The following TRIOBP variants were observed in gnomAD, a reference collection of about 807,000 sequenced individuals.
TRIOBP encodes TRIO and F-actin-binding protein.
TRIOBP carries 169 observed loss-of-function variants against 238.8 expected under a neutral mutation model. That is an observed-to-expected ratio of 0.71 (90% CI 0.62 to 0.80). The LOEUF is 0.80. Among genes scored for constraint, TRIOBP ranks in the 30% least tolerant of loss-of-function variants. The pLI, the probability that TRIOBP is intolerant of heterozygous loss-of-function variation, is 0.00. For synonymous variants in TRIOBP, 1,150 were observed against 1,274.4 expected (o/e 0.90, Z 2.08); for missense variants, 2,838 against 3,122.6 (o/e 0.91, Z 2.17).
chr22:37,709,085 A>G (rs1217237579), intron 3 of TRIOBP, among the ~76,000 whole-genome samples: 1 of 152,126 alleles, frequency 6.6e-6, no homozygotes, highest in African/African-American at 2.4e-5. Context: ...CTCTGATCAG[A>G]ATCTGGCTGC....
Position 37,757,667 on chromosome 22 carries a change from C to T in TRIOBP, c.5742C>T (p.Gly1914=). ...TGCACAGCTACAGCACCCAGAAGGG[C>T]CCCCTGAAGGCAGGGGAGCAGCGGG... The part of the protein sequence containing the change: ...NALHSYSTQK[G]PLKAGEQRAG... Residue 1914 remains glycine (G), a synonymous_variant, in exon 16 of 24, where the codon GGC becomes GGT. Coordinates refer to ENST00000644935, the MANE Select transcript of TRIOBP (RefSeq NM_001039141.3). 2 of 1,590,358 alleles carry T rather than the reference C, an allele frequency of 1.3e-6. No individual in the cohort carries two copies. Among genetic ancestry groups the T allele is most frequent in the Non-Finnish European group, 1.7e-6 (2 of 1,169,922 alleles).
chr22:37,755,523 C>A (rs1222995950), intron 14 of TRIOBP, 27 bp from the exon 15 acceptor site: 1 of 1,604,680 alleles, frequency 6.2e-7, no homozygotes. Flanking sequence ...GGCCATGTGG[C>A]AACCTACCCA....
rs766023472 is a variant in TRIOBP at position 37,726,251 on chromosome 22, AC to A, written c.3698del (p.Pro1233HisfsTer5). 6.3e-7 allele frequency: 1 copy of A among 1,585,496 alleles called. No individual in the cohort carries two copies. Among genetic ancestry groups the A allele is most frequent in the Admixed American group, 1.7e-5 (1 of 59,592 alleles). On this transcript the variant is annotated frameshift_variant, in exon 7 of 24. Transcript: ENST00000644935. LOFTEE classifies it high-confidence loss of function. Reference protein sequence around the residue: ...DAPRASSPPRHPPSDLAFLAP... With the variant: ...DAPRASSPPRXPPSDLAFLAP... ...CCCCGAGCCTCCTCCCCACCCCGCC[AC>A]CCACCCAGTGACCTAGCGTTCCTGG...
chr22:37,755,695 C>T, intron 15 of TRIOBP, 36 bp downstream of exon 15: 1 of 1,595,492 alleles, frequency 6.3e-7, no homozygotes, highest in South Asian at 1.1e-5. Context: ...TTGAGGGAGG[C>T]ACTTACCCTT....
At chr22:37,737,275 G>A (rs1419360434) in intron 9 of TRIOBP, among the ~76,000 whole-genome samples, 5 of 152,118 alleles carry the variant, frequency 3.3e-5, no homozygotes, top group African/African-American at 1.2e-4. Flanking sequence ...GAAGGGATGG[G>A]AGCACCATGT....
chr22:37,762,784 G>A (rs1042488042), intron 17 of TRIOBP, among the ~76,000 whole-genome samples: 2 of 152,170 alleles, frequency 1.3e-5, no homozygotes, highest in Non-Finnish European at 2.9e-5. Flanking sequence ...GGACCTGGAG[G>A]AGTGACAGCT....
At position 37,734,459 on chromosome 22, in the gene TRIOBP, C is replaced by T. The variant is rs1346008848; in HGVS notation, c.4123C>T (p.His1375Tyr). The change falls in exon 9 of 24, where the codon CAT becomes TAT. Residue 1375 changes from histidine to tyrosine, a missense_variant. Coordinates refer to ENST00000644935, the MANE Select transcript of TRIOBP (RefSeq NM_001039141.3). The part of the protein sequence containing the change: ...LTRRSQAEPP[H>Y]PWSPEKRPEG... ...CCGGCGGAGCCAAGCAGAGCCCCCT[C>T]ATCCTTGGAGTCCTGAGAAGAGACC... is the stretch of plus-strand genomic sequence containing the variant. The T allele has an allele frequency of 1.2e-6, 2 of 1,613,144 alleles. No individual in the cohort carries two copies. Among genetic ancestry groups the T allele is most frequent in the Admixed American group, 1.7e-5 (1 of 59,966 alleles).
intron 8 of TRIOBP, 38 bp from the exon 9 acceptor site, chr22:37,734,361 G>C (rs1308182231): frequency 6.3e-7 from 1 of 1,587,118 alleles, no homozygotes; most frequent in South Asian, 1.1e-5. Flanking sequence ...CAGGTCCCCA[G>C]AGAGAGAGCC....
intron 17 of TRIOBP, among the ~76,000 whole-genome samples, chr22:37,762,792 G>A (rs1385189951): frequency 6.6e-6 from 1 of 152,152 alleles, no homozygotes; most frequent in South Asian, 2.1e-4. Flanking sequence ...AGGAGTGACA[G>A]CTGGGAGGGA....
chr22:37,772,346 C>G (rs1347949227), intron 22 of TRIOBP, among the ~76,000 whole-genome samples: 1 of 152,098 alleles, frequency 6.6e-6, no homozygotes, highest in African/African-American at 2.4e-5. Context: ...ATCCCAGCCA[C>G]TCACTGCCCT....
chr22:37,720,695 T>G (rs1403191123), intron 6 of TRIOBP, among the ~76,000 whole-genome samples: 1 of 152,086 alleles, frequency 6.6e-6, no homozygotes, highest in Admixed American at 6.6e-5. Flanking sequence ...TTATTTTTCG[T>G]AGAGATGGGG....
chr22:37,709,148 C>T (rs924556100), intron 3 of TRIOBP, among the ~76,000 whole-genome samples: 3 of 152,196 alleles, frequency 2.0e-5, no homozygotes, highest in African/African-American at 4.8e-5. Context: ...CTGGATGTCA[C>T]GGCAGACATC....
At chr22:37,729,895 A>G (rs1924343291) in intron 7 of TRIOBP, among the ~76,000 whole-genome samples, 1 of 152,212 alleles carries the variant, frequency 6.6e-6, no homozygotes, top group South Asian at 2.1e-4. Context: ...GGAGCTTATG[A>G]GCGGGTGGCT....
At chr22:37,752,354 G>C (rs889363039) in intron 12 of TRIOBP, among the ~76,000 whole-genome samples, 1 of 152,204 alleles carries the variant, frequency 6.6e-6, no homozygotes, top group Non-Finnish European at 1.5e-5. Flanking sequence ...GCACGTACAG[G>C]TGCCACAAAG....
intron 7 of TRIOBP, among the ~76,000 whole-genome samples, chr22:37,728,655 G>A: frequency 6.6e-6 from 1 of 152,088 alleles, no homozygotes; most frequent in Non-Finnish European, 1.5e-5. Flanking sequence ...CCAATATCCT[G>A]TACTAGATAG....
intron 10 of TRIOBP, among the ~76,000 whole-genome samples, chr22:37,740,396 G>A (rs1039999399): frequency 2.0e-5 from 3 of 152,162 alleles, no homozygotes; most frequent in Admixed American, 6.5e-5. Context: ...CAAACCTAAC[G>A]CCCTGAAGGC....
intron 11 of TRIOBP, among the ~76,000 whole-genome samples, chr22:37,749,918 C>T (rs1447587188): frequency 6.6e-6 from 1 of 152,070 alleles, no homozygotes; most frequent in African/African-American, 2.4e-5. Flanking sequence ...CACACCACCA[C>T]ACTCCAGTCT....
intron 7 of TRIOBP, among the ~76,000 whole-genome samples, chr22:37,732,032 G>T (rs1199320166): frequency 6.6e-6 from 1 of 152,174 alleles, no homozygotes; most frequent in Admixed American, 6.5e-5. Context: ...CCACAGGGTG[G>T]CCTTTTTCAG....
chr22:37,741,556 G>A (rs1924935233), intron 11 of TRIOBP, among the ~76,000 whole-genome samples: 1 of 152,244 alleles, frequency 6.6e-6, no homozygotes, highest in Non-Finnish European at 1.5e-5. Context: ...CAGCAGGACA[G>A]AAGGGGCCTG....
Sources: allele counts gnomAD v4.1 joint callset (sites outside exome capture counted in the v4.1 genomes callset), GRCh38; gene constraint gnomAD v4.1.1; transcripts MANE v1.5; gene names NCBI Gene and HGNC (gene_info 2026-07-23, HGNC 2026-07-21).